SEC22C: variants seen among roughly 807,000 people sequenced by gnomAD.
SEC22C encodes the protein SEC22 homolog C, vesicle trafficking protein.
In SEC22C, 29 loss-of-function variants were observed where a neutral mutation model predicts 34.7. That is an observed-to-expected ratio of 0.84 (90% CI 0.62 to 1.14). SEC22C has a LOEUF of 1.14. SEC22C is among the 50% of genes most tolerant of loss of function. SEC22C has a pLI of 0.00. For synonymous variants in SEC22C, 117 were observed against 132.8 expected (o/e 0.88, Z 0.82); for missense variants, 337 against 369.0 (o/e 0.91, Z 0.71).
chr3:42,563,842 A>G (rs1401035866), intron 2 of SEC22C, 156 bp from the exon 3 acceptor site: 1 of 1,518,522 alleles, frequency 6.6e-7, no homozygotes, highest in South Asian at 1.2e-5. Flanking sequence ...AGTTCGACCT[A>G]TTCCTGAGAC....
intron 1 of SEC22C, among the ~76,000 whole-genome samples, chr3:42,572,128 T>A (rs553065995): frequency 1.3e-5 from 2 of 151,644 alleles, no homozygotes. Context: ...GTCTGCTGAG[T>A]TTGTTTTTTC....
intron 1 of SEC22C, among the ~76,000 whole-genome samples, chr3:42,589,574 C>T (rs1194473535): frequency 5.3e-5 from 8 of 152,174 alleles, no homozygotes; most frequent in Non-Finnish European, 1.5e-5. Flanking sequence ...TAAGCATTAC[C>T]GCCGAGCATT....
At chr3:42,586,248 CAG>C (rs1031591986), upstream of SEC22C, among the ~76,000 whole-genome samples, 31 of 152,244 alleles carry the variant, frequency 2.0e-4, no homozygotes, top group African/African-American at 7.2e-4. Context: ...GTTGTTGAGA[CAG>C]AGTCTCGCTC....
At chr3:42,589,524 G>C (rs1442514052) in intron 1 of SEC22C, among the ~76,000 whole-genome samples, 1 of 152,178 alleles carries the variant, frequency 6.6e-6, no homozygotes, top group Non-Finnish European at 1.5e-5. Flanking sequence ...GCTAGAACAG[G>C]GGACCGGTAC....
Position 42,552,627 on chromosome 3 carries a change from C to A in SEC22C, c.*621G>T. 1.0e-6 allele frequency: 1 copy of A among 984,056 alleles called. No individual in the cohort carries two copies. Among genetic ancestry groups the A allele is most frequent in the Non-Finnish European group, 1.2e-6 (1 of 828,724 alleles). 61.0% of individuals were successfully genotyped at this position (984,056 alleles called of 1,614,324 possible). On this transcript the variant is annotated 3_prime_UTR_variant, in exon 7 of 7. Coordinates refer to ENST00000264454, the MANE Select transcript of SEC22C (RefSeq NM_032970.4). ...ATTAAATAAACTCAGATTTCTTAAC[C>A]ATTTTCTCAGCTTAAGTTTGCCCTC...
At chr3:42,558,851 A>T (rs545579817) in intron 4 of SEC22C, among the ~76,000 whole-genome samples, 2 of 152,302 alleles carry the variant, frequency 1.3e-5, no homozygotes, top group Admixed American at 1.3e-4. Context: ...GAGAGGACCA[A>T]GGCTTTATTT....
chr3:42,563,561 A>G lies in SEC22C; in HGVS notation c.308T>C (p.Ile103Thr). The G allele has an allele frequency of 6.2e-6, 10 of 1,614,150 alleles. No individual in the cohort carries two copies. Among genetic ancestry groups the G allele is most frequent in the Non-Finnish European group, 7.6e-6 (9 of 1,179,948 alleles). Residue 103 changes from isoleucine (I) to threonine (T), a missense_variant, in exon 3 of 7, where the codon ATT becomes ACT. Transcript: ENST00000264454. Reference protein sequence around the residue: ...EFTASYDTTCIGLASRPYAFL... With the variant: ...EFTASYDTTCTGLASRPYAFL... The stretch of plus-strand genomic sequence containing the variant: ...AGCGTATGGCCTGGAGGCTAGGCCA[A>G]TGCAGGTAGTGTCATAGGAAGCTGT...
rs1046559491 is a variant in SEC22C, at chr3:42,563,998, T to C, written c.183-312A>G. The C allele has an allele frequency of 2.5e-4, 307 of 1,208,000 alleles. 3 individuals carry two copies. Among genetic ancestry groups the C allele is most frequent in the Middle Eastern group, 2.3e-4 (1 of 4,436 alleles). The allele number at this position is 1,208,000 out of a possible 1,614,324, so 74.8% of individuals were successfully genotyped here. A position where few individuals can be genotyped will look rare whatever the true frequency, so the allele number is the denominator to read the frequency against. On this transcript the variant is annotated intron_variant, in intron 2 of 6. Transcript: ENST00000264454. ...CTCCACATCTATTGAGAAAACGTTT[T>C]TCTTCTTTAATCTACATCAACAGAT...
intron 1 of SEC22C, chr3:42,591,730 G>A: frequency 1.4e-6 from 1 of 699,572 alleles, no homozygotes; most frequent in Non-Finnish European, 2.5e-6. Context: ...TGAGGAAAGA[G>A]AGGCTCAAAG....
chr3:42,569,081 A>G lies in SEC22C; in HGVS notation c.-27-8T>C. On this transcript the variant is annotated splice_polypyrimidine_tract_variant and splice_region_variant and intron_variant, in intron 1 of 6. Transcript: ENST00000264454. ...GAGAAGTCATGAGGACACCTGAGGA[A>G]AGCAAGGTCACCTTGTTACTGAGGC... The G allele has an allele frequency of 6.3e-7, 1 of 1,587,448 alleles. No individual in the cohort carries two copies. The highest frequency in any genetic ancestry group is 8.6e-7 in the Non-Finnish European group (1 of 1,160,608).
chr3:42,585,976 G>A (rs12494584), upstream of SEC22C, among the ~76,000 whole-genome samples: 1,018 of 151,468 alleles, frequency 6.7e-3, 32 homozygotes, highest in Admixed American at 0.048. Flanking sequence ...AGGAACCTCC[G>A]TTACTGAAGA....
At chr3:42,587,663 G>A (rs1276636784) in intron 1 of SEC22C, 1 of 152,100 alleles carries the variant, frequency 6.6e-6, no homozygotes, top group African/African-American at 2.4e-5. Context: ...ATGAACCTGG[G>A]AGGCGGAGCT....
rs1702160611 is a variant in SEC22C at position 42,549,853 on chromosome 3, A to G, written c.*3395T>C. 4 of 985,316 alleles carry G rather than the reference A, an allele frequency of 4.1e-6. No individual in the cohort carries two copies. The highest frequency in any genetic ancestry group is 4.8e-6 in the Non-Finnish European group (4 of 829,940). The allele number at this position is 985,316 out of a possible 1,614,324, so 61.0% of individuals were successfully genotyped here. On this transcript the variant is annotated 3_prime_UTR_variant, in exon 7 of 7. Transcript: ENST00000264454. Reference sequence around the variant, plus strand: ...ATGTTTTAATTCCAGCATTCTCCAGAGTTCACAGAAAAGAGGGATGCAAGC... The same window carrying G: ...ATGTTTTAATTCCAGCATTCTCCAGGGTTCACAGAAAAGAGGGATGCAAGC...
Position 42,548,849 on chromosome 3 carries a change from C to T in SEC22C, c.*4399G>A. 1 of 1,401,654 alleles carries T rather than the reference C, an allele frequency of 7.1e-7. No homozygotes were observed. Among genetic ancestry groups the T allele is most frequent in the South Asian group, 1.7e-5 (1 of 60,564 alleles). 86.8% of individuals were successfully genotyped at this position (1,401,654 alleles called of 1,614,324 possible). A position where few individuals can be genotyped will look rare whatever the true frequency, so the allele number is the denominator to read the frequency against. ...TGCTGTGCTGCCTGAAGCAGAAAAA[C>T]CTTCATGTACCAGGTGAATGTAAAG... On this transcript the variant is annotated 3_prime_UTR_variant, in exon 7 of 7. Coordinates refer to ENST00000264454, the MANE Select transcript of SEC22C (RefSeq NM_032970.4).
At chr3:42,600,471 G>C (rs528557454) in intron 1 of SEC22C, 4 of 147,520 alleles carry the variant, frequency 2.7e-5, no homozygotes, top group Admixed American at 1.3e-4. Context: ...TGACTTCAAA[G>C]GGGGGGGCAA....
Position 42,561,295 on chromosome 3 carries a change from G to A in SEC22C, c.348C>T (p.Asp116=). Residue 116 remains aspartate (D), a splice_region_variant and synonymous_variant, in exon 4 of 7, where the codon GAC becomes GAT. Coordinates refer to ENST00000264454, the MANE Select transcript of SEC22C (RefSeq NM_032970.4). ...ASRPYAFLEF[D]SIIQKVKWHF... ...GCCACTTCACTTTCTGAATGATGCT[G>A]TCTGCAAAAAGAGAGCAACACAAGT... 2 of 1,613,698 alleles carry A rather than the reference G, an allele frequency of 1.2e-6. No homozygotes were observed. Among genetic ancestry groups the A allele is most frequent in the Non-Finnish European group, 1.7e-6 (2 of 1,179,696 alleles).
intron 1 of SEC22C, among the ~76,000 whole-genome samples, chr3:42,597,555 CAAAAA>C (rs1240922376): frequency 2.8e-5 from 2 of 71,988 alleles, no homozygotes; most frequent in Admixed American, 1.6e-4. Context: ...GACTTTGTCT[CAAAAA>C]AAAAAAAAAA....
At chr3:42,558,873 T>C (rs1702708598) in intron 4 of SEC22C, among the ~76,000 whole-genome samples, 1 of 152,246 alleles carries the variant, frequency 6.6e-6, no homozygotes, top group Non-Finnish European at 1.5e-5. Context: ...TAATTGGTTG[T>C]CAAATGTTTA....
chr3:42,570,397 A>G (rs1171106475), intron 1 of SEC22C, among the ~76,000 whole-genome samples: 2 of 152,198 alleles, frequency 1.3e-5, no homozygotes, highest in African/African-American at 4.8e-5. Context: ...TTCCACTACC[A>G]AAATATAAGT....
Sources: allele counts gnomAD v4.1 joint callset (sites outside exome capture counted in the v4.1 genomes callset), GRCh38; gene constraint gnomAD v4.1.1; transcripts MANE v1.5; gene names NCBI Gene and HGNC (gene_info 2026-07-23, HGNC 2026-07-21).